PCDHGA2: variants seen among roughly 807,000 people sequenced by gnomAD.
PCDHGA2 encodes the protein protocadherin gamma-A2.
Under a neutral mutation model 59.2 loss-of-function variants are expected in PCDHGA2, and 40 were observed. The observed-to-expected ratio is 0.68, with a 90% CI of 0.52 to 0.88. PCDHGA2 has a LOEUF of 0.88. Ranked by LOEUF, PCDHGA2 falls within the 40% of genes least tolerant of loss-of-function variation. The pLI is 0.00. For synonymous variants in PCDHGA2, 560 were observed against 526.0 expected (o/e 1.06, Z -0.89); for missense variants, 1,226 against 1,204.0 (o/e 1.02, Z -0.27).
rs373591066 is a variant in PCDHGA2, at chr5:141,404,487, G to A, written c.2424+63092G>A. On this transcript the variant is annotated intron_variant, in intron 1 of 3. Transcript: ENST00000394576. The stretch of plus-strand genomic sequence containing the variant: ...TATGTCTCTATTAACTCAGACACTG[G>A]TGTGCTGTATGCTCTGTGCTCCTTT... 6.8e-6 allele frequency: 11 copies of A among 1,613,722 alleles called. No homozygotes were observed. Among genetic ancestry groups the A allele is most frequent in the Admixed American group, 1.7e-5 (1 of 60,008 alleles).
At chr5:141,396,410 G>C (rs2093377441) in intron 1 of PCDHGA2, 1 of 152,250 alleles carries the variant, frequency 6.6e-6, no homozygotes, top group Non-Finnish European at 1.5e-5. Context: ...CCTGAGGTCA[G>C]GAGTTCAAGA....
chr5:141,413,117 C>A, intron 1 of PCDHGA2: 1 of 1,509,120 alleles, frequency 6.6e-7, no homozygotes, highest in Non-Finnish European at 8.9e-7. Context: ...ACAAAGGAAC[C>A]GGTTGAAACA....
At chr5:141,470,242 T>C (rs1301513342) in intron 1 of PCDHGA2, among the ~76,000 whole-genome samples, 1 of 152,344 alleles carries the variant, frequency 6.6e-6, no homozygotes, top group South Asian at 2.1e-4. Flanking sequence ...CCCTTGAATG[T>C]CCCACCTGTC....
chr5:141,483,257 T>G, intron 1 of PCDHGA2, among the ~76,000 whole-genome samples: 1 of 137,924 alleles, frequency 7.3e-6, no homozygotes, highest in East Asian at 1.9e-4. Flanking sequence ...ATCATGAGGT[T>G]TTTTTGTTTT....
Position 141,338,851 on chromosome 5 carries a change from A to T in PCDHGA2, c.-121A>T, listed in dbSNP as rs191787265. On this transcript the variant is annotated 5_prime_UTR_variant, in exon 1 of 4. Coordinates refer to ENST00000394576, the MANE Select transcript of PCDHGA2 (RefSeq NM_018915.4). ...AAGAAATTCAGTCGAACAGCCCACC[A>T]GTTCTCTCCATAGGGACCTGGGTCC... 1.4e-6 allele frequency: 2 copies of T among 1,421,556 alleles called. No homozygotes were observed. Among genetic ancestry groups the T allele is most frequent in the East Asian group, 5.1e-5 (2 of 39,308 alleles). The allele number at this position is 1,421,556 out of a possible 1,614,324, so 88.1% of individuals were successfully genotyped here.
chr5:141,405,435 T>C, intron 1 of PCDHGA2: 1 of 1,463,324 alleles, frequency 6.8e-7, no homozygotes, highest in Non-Finnish European at 9.3e-7. Context: ...TTGTTTTGTT[T>C]TTGAGACAGA....
In PCDHGA2 at chr5:141,431,766, C is replaced by T. The variant is rs1474420822; in HGVS notation, c.2425-63041C>T. Reference sequence around the variant, plus strand: ...TCTGCGCGAGCCAAAGTCCTGATCACTGTTCTGGACGTGAACGACAATGCC... The same window carrying T: ...TCTGCGCGAGCCAAAGTCCTGATCATTGTTCTGGACGTGAACGACAATGCC... On this transcript the variant is annotated intron_variant, in intron 1 of 3. Transcript: ENST00000394576. The surrounding 1 kb of genome is among the most constrained non-coding windows in gnomAD (Gnocchi z 4.8). 2.5e-6 allele frequency: 4 copies of T among 1,614,196 alleles called. No individual in the cohort carries two copies. Among genetic ancestry groups the T allele is most frequent in the Non-Finnish European group, 3.4e-6 (4 of 1,180,010 alleles).
intron 1 of PCDHGA2, chr5:141,418,621 C>T: frequency 6.2e-7 from 1 of 1,614,034 alleles, no homozygotes; most frequent in Non-Finnish European, 8.5e-7. Flanking sequence ...TTCGGGAAGA[C>T]GTGCCTCCAG....
At position 141,476,606 on chromosome 5, in the gene PCDHGA2, G is replaced by T. The variant is rs2099394832; in HGVS notation, c.2425-18201G>T. The stretch of plus-strand genomic sequence containing the variant: ...GCTCGAGAGCGCGCACGATCCCGAT[G>T]TGGGAAGCAACTCTTTACAAACCTA... On this transcript the variant is annotated intron_variant, in intron 1 of 3. Transcript: ENST00000394576. The surrounding 1 kb of genome is among the most constrained non-coding windows in gnomAD (Gnocchi z 7.6). The T allele has an allele frequency of 1.9e-6, 3 of 1,614,126 alleles. No individual in the cohort carries two copies. Among genetic ancestry groups the T allele is most frequent in the Non-Finnish European group, 1.7e-6 (2 of 1,180,054 alleles).
intron 1 of PCDHGA2, chr5:141,389,583 C>T: frequency 1.2e-6 from 2 of 1,613,188 alleles, no homozygotes; most frequent in Non-Finnish European, 1.7e-6. Flanking sequence ...CGCGCTGGGT[C>T]CCGACGGCTC....
chr5:141,478,327 A>G lies in PCDHGA2; in HGVS notation c.2425-16480A>G, dbSNP rs149317962. The G allele has an allele frequency of 9.9e-6, 16 of 1,613,974 alleles. No homozygotes were observed. The African/African-American group carries it at 2.0e-4, about 20-fold the overall frequency. The stretch of plus-strand genomic sequence containing the variant: ...CCCCGGTGAGCTCACTGTACCGAAC[A>G]CCAGGGCCCTCCTTGCACGCGGACG... On this transcript the variant is annotated intron_variant, in intron 1 of 3. Transcript: ENST00000394576.
intron 1 of PCDHGA2, chr5:141,410,911 T>C (rs927103159): frequency 2.6e-5 from 7 of 267,884 alleles, no homozygotes; most frequent in African/African-American, 7.8e-5. Flanking sequence ...TGGAGTGCAG[T>C]GGCGTGATCT....
At position 141,489,585 on chromosome 5, in the gene PCDHGA2, G is replaced by A; in HGVS notation, c.2425-5222G>A. 3 of 1,614,090 alleles carry A rather than the reference G, an allele frequency of 1.9e-6. No individual in the cohort carries two copies. Among genetic ancestry groups the A allele is most frequent in the Non-Finnish European group, 2.5e-6 (3 of 1,180,004 alleles). The stretch of plus-strand genomic sequence containing the variant: ...AGGTGGTGACTGAACACCCCCTGGA[G>A]CTAATCCGTGTAGAGGTAGAGATCC... On this transcript the variant is annotated intron_variant, in intron 1 of 3. Coordinates refer to ENST00000394576, the MANE Select transcript of PCDHGA2 (RefSeq NM_018915.4). The surrounding 1 kb of genome is among the most constrained non-coding windows in gnomAD (Gnocchi z 4.5).
chr5:141,415,048 G>C lies in PCDHGA2; in HGVS notation c.2424+73653G>C, dbSNP rs535976406. The C allele has an allele frequency of 5.0e-5, 80 of 1,613,320 alleles. 1 individual carries two copies. The Admixed American group carries it at 6.0e-4, about 12-fold the overall frequency. ...CGAGCCGGGACTCTTCGCGGTGGGG[G>C]AGCACACGGGCGAGGTGCGCACGGC... is the stretch of plus-strand genomic sequence containing the variant. On this transcript the variant is annotated intron_variant, in intron 1 of 3. Transcript: ENST00000394576.
chr5:141,471,790 C>T (rs1465283136), intron 1 of PCDHGA2, among the ~76,000 whole-genome samples: 1 of 152,068 alleles, frequency 6.6e-6, no homozygotes, highest in Non-Finnish European at 1.5e-5. Context: ...TATGCTATGT[C>T]ATATAAAAGA....
chr5:141,447,648 T>A (rs1262852729), intron 1 of PCDHGA2, among the ~76,000 whole-genome samples: 3 of 152,164 alleles, frequency 2.0e-5, no homozygotes, highest in African/African-American at 4.8e-5. Flanking sequence ...ATGGTAGAAT[T>A]TTCCCCCCCA....
chr5:141,355,167 A>G lies in PCDHGA2; in HGVS notation c.2424+13772A>G, dbSNP rs755561054. On this transcript the variant is annotated intron_variant, in intron 1 of 3. Transcript: ENST00000394576. ...CTCCTCAGGCCTCGACAGAGGGAAA[A>G]CCGAAGCACAGGCGACTCCGCGGCG... The G allele has an allele frequency of 1.7e-5, 27 of 1,565,180 alleles. No individual in the cohort carries two copies. The Admixed American group carries it at 3.7e-4, about 22-fold the overall frequency.
In PCDHGA2 at chr5:141,340,955, G is replaced by A. The variant is rs754195555; in HGVS notation, c.1984G>A (p.Val662Met). Residue 662 changes from valine to methionine, a missense_variant, in exon 1 of 4, where the codon GTG becomes ATG. Physicochemically the swap from Val to Met is conservative, Grantham distance 21. Transcript: ENST00000394576. Reference sequence around the variant, plus strand: ...TCTCTCCGCCACTGTCACGCTCACCGTGGCCGTGGCCGACAGGATCCCCGA... The same window carrying A: ...TCTCTCCGCCACTGTCACGCTCACCATGGCCGTGGCCGACAGGATCCCCGA... The part of the protein sequence containing the change: ...PPLSATVTLT[V>M]AVADRIPDIL... 1.9e-6 allele frequency: 3 copies of A among 1,612,076 alleles called. No individual in the cohort carries two copies. Among genetic ancestry groups the A allele is most frequent in the African/African-American group, 1.3e-5 (1 of 74,932 alleles).
intron 1 of PCDHGA2, chr5:141,422,871 G>T (rs769543752): frequency 3.7e-6 from 6 of 1,614,098 alleles, no homozygotes; most frequent in Non-Finnish European, 5.1e-6. Context: ...GCAACGTGTC[G>T]CTGAGCCTGT....
Sources: gnomAD v4.1 joint callset for allele counts (sites outside exome capture counted in the v4.1 genomes callset) on GRCh38, gnomAD v4.1.1 for gene constraint, Gnocchi (gnomAD v3.1) non-coding constraint, MANE v1.5 for transcripts, NCBI Gene and HGNC (gene_info 2026-07-23, HGNC 2026-07-21) for gene names.